The following NKAIN3 variants were observed in gnomAD, a reference collection of about 807,000 sequenced individuals.
NKAIN3 encodes the protein sodium/potassium transporting ATPase interacting 3.
A neutral mutation model predicts 30.2 loss-of-function variants in NKAIN3; 25 were observed. The observed-to-expected ratio is 0.83, with a 90% CI of 0.60 to 1.16. NKAIN3 has a LOEUF of 1.16. Among genes scored for constraint, NKAIN3 ranks in the 50% most tolerant of loss-of-function variants. NKAIN3 has a pLI of 0.00. For synonymous variants in NKAIN3, 91 were observed against 89.6 expected, an observed-to-expected ratio of 1.02 and a Z score of -0.09; for missense variants, 225 against 254.1, an observed-to-expected ratio of 0.89 and a Z score of 0.78.
chr8:62,972,013 G>A lies in NKAIN3; in HGVS notation c.*6606G>A, dbSNP rs945361239. 1.3e-5 allele frequency among the ~76,000 whole-genome samples: 2 copies of A among 152,080 alleles called. No individual in the cohort carries two copies. Among genetic ancestry groups the A allele is most frequent in the African/African-American group, 2.4e-5 (1 of 41,414 alleles). On this transcript the variant is annotated 3_prime_UTR_variant, in exon 7 of 7. Transcript: ENST00000623646. ...CTAGAGCCAATCTAACATTTTGCTT[G>A]GTCCTCATTGTGCTGCCACAATAAA...
chr8:62,561,258 A>G (rs1057068120), intron 1 of NKAIN3, among the ~76,000 whole-genome samples: 3 of 152,192 alleles, frequency 2.0e-5, no homozygotes, highest in Non-Finnish European at 4.4e-5. Flanking sequence ...ATGTTTTGCC[A>G]TCTTCTCTCC....
intron 3 of NKAIN3, among the ~76,000 whole-genome samples, chr8:62,705,554 T>G (rs1420883871): frequency 6.6e-6 from 1 of 152,186 alleles, no homozygotes; most frequent in East Asian, 1.9e-4. Flanking sequence ...CCCTTCCATA[T>G]TTTGTGTCCT....
intron 1 of NKAIN3, among the ~76,000 whole-genome samples, chr8:62,546,126 A>G (rs1052853379): frequency 6.6e-6 from 1 of 152,214 alleles, no homozygotes; most frequent in Admixed American, 6.5e-5. Context: ...GAAAAGCTAC[A>G]TTCCCCAGCA....
chr8:62,381,768 A>G (rs969708280), intron 1 of NKAIN3, among the ~76,000 whole-genome samples: 7 of 152,200 alleles, frequency 4.6e-5, no homozygotes, highest in Non-Finnish European at 7.3e-5. Context: ...TAGTTGGTTA[A>G]TATCAATGAC....
Position 62,941,841 on chromosome 8 carries a change from G to C in NKAIN3, c.533-12061G>C, listed in dbSNP as rs1419800111. ...GGGAAATGTTGAAAGCATTCCCCAT[G>C]AGAACTGGAACAAGACAAGGATGCC... On this transcript the variant is annotated intron_variant, in intron 5 of 6. Coordinates refer to ENST00000623646, the MANE Select transcript of NKAIN3 (RefSeq NM_001304533.3). Among the ~76,000 whole-genome samples the C allele has an allele frequency of 2.6e-5, 4 of 152,184 alleles. No homozygotes were observed. In the East Asian group the frequency reaches 7.7e-4, roughly 29 times the overall value.
intron 1 of NKAIN3, among the ~76,000 whole-genome samples, chr8:62,279,776 G>A (rs994420767): frequency 2.0e-4 from 31 of 152,268 alleles, no homozygotes; most frequent in Non-Finnish European, 3.8e-4. Context: ...GGTTACTGTA[G>A]CCTTGTAGTA....
At chr8:62,873,826 G>T (rs1820716337) in intron 4 of NKAIN3, among the ~76,000 whole-genome samples, 1 of 151,952 alleles carries the variant, frequency 6.6e-6, no homozygotes, top group South Asian at 2.1e-4. Context: ...CTGGGTTATG[G>T]CTAAAGCAGT....
At chr8:62,670,900 C>CACAT (rs1404760185) in intron 3 of NKAIN3, among the ~76,000 whole-genome samples, 2 of 151,618 alleles carry the variant, frequency 1.3e-5, no homozygotes, top group Non-Finnish European at 2.9e-5. Flanking sequence ...CACACACACA[C>CACAT]ACACACACAC....
At chr8:62,795,254 A>T (rs1817825710) in intron 4 of NKAIN3, among the ~76,000 whole-genome samples, 1 of 152,204 alleles carries the variant, frequency 6.6e-6, no homozygotes, top group African/African-American at 2.4e-5. Context: ...TGTAACACAA[A>T]AGGAAACCAA....
chr8:62,863,631 T>C lies in NKAIN3; in HGVS notation c.472-54822T>C, dbSNP rs1025019596. ...TCAACGAGCTGGATCACCATGTCTT[T>C]GTTTGGGTCACTGGGATAACTTTCT... On this transcript the variant is annotated intron_variant, in intron 4 of 6. Transcript: ENST00000623646. 7.3e-6 allele frequency: 9 copies of C among 1,225,370 alleles called. No individual in the cohort carries two copies. The African/African-American group carries it at 1.2e-4, about 16-fold the overall frequency. 75.9% of individuals were successfully genotyped at this position (1,225,370 alleles called of 1,614,324 possible).
chr8:62,633,433 CAT>C (rs1812029397), intron 3 of NKAIN3, among the ~76,000 whole-genome samples: 1 of 152,108 alleles, frequency 6.6e-6, no homozygotes, highest in Non-Finnish European at 1.5e-5. Context: ...TGTCAAGTCA[CAT>C]GTTTCTGCAT....
In NKAIN3 at chr8:62,971,707, A is replaced by G. The variant is rs150915597; in HGVS notation, c.*6300A>G. On this transcript the variant is annotated 3_prime_UTR_variant, in exon 7 of 7. Transcript: ENST00000623646. ...TATAAAATCATACTTAGCAGTTTCA[A>G]TCACACAGTTCAAACTAATTGACAT... 5.3e-4 allele frequency among the ~76,000 whole-genome samples: 80 copies of G among 152,318 alleles called. 1 individual carries two copies. In the East Asian group the frequency reaches 0.014, roughly 26 times the overall value.
intron 3 of NKAIN3, among the ~76,000 whole-genome samples, chr8:62,631,218 C>T (rs1445901392): frequency 6.6e-6 from 1 of 152,150 alleles, no homozygotes. Flanking sequence ...TCCAGAGAGA[C>T]ATTGTTCCTG....
intron 4 of NKAIN3, among the ~76,000 whole-genome samples, chr8:62,790,433 T>C (rs948965556): frequency 2.6e-5 from 4 of 152,042 alleles, no homozygotes; most frequent in African/African-American, 9.7e-5. Flanking sequence ...ATCATCCTCT[T>C]ATTTTAAAAA....
At chr8:62,266,877 T>C (rs1418204982) in intron 1 of NKAIN3, among the ~76,000 whole-genome samples, 1 of 152,218 alleles carries the variant, frequency 6.6e-6, no homozygotes, top group East Asian at 1.9e-4. Context: ...CAGGTATAAA[T>C]ATGGCTGCAG....
At chr8:62,430,210 C>A (rs529278986) in intron 1 of NKAIN3, among the ~76,000 whole-genome samples, 1 of 151,740 alleles carries the variant, frequency 6.6e-6, no homozygotes, top group African/African-American at 2.4e-5. Flanking sequence ...AATAATATCC[C>A]ATTTTATAGG....
chr8:62,585,750 T>C (rs566950746), intron 2 of NKAIN3, among the ~76,000 whole-genome samples: 14 of 152,278 alleles, frequency 9.2e-5, no homozygotes, highest in Middle Eastern at 3.4e-3. Flanking sequence ...GAATACTGTG[T>C]TCTGTCTTGC....
intron 3 of NKAIN3, among the ~76,000 whole-genome samples, chr8:62,713,134 T>C (rs1814775083): frequency 6.6e-6 from 1 of 152,116 alleles, no homozygotes; most frequent in Non-Finnish European, 1.5e-5. Context: ...TATGGGTCCT[T>C]TTGGGATTGC....
chr8:62,503,473 G>C (rs1807526085), intron 1 of NKAIN3, among the ~76,000 whole-genome samples: 1 of 152,068 alleles, frequency 6.6e-6, no homozygotes, highest in Admixed American at 6.6e-5. Flanking sequence ...CAGAAAACAG[G>C]GTTCGAGAGC....
Sources: allele counts gnomAD v4.1 joint callset (sites outside exome capture counted in the v4.1 genomes callset), GRCh38; gene constraint gnomAD v4.1.1; transcripts MANE v1.5; gene names NCBI Gene and HGNC (gene_info 2026-07-23, HGNC 2026-07-21).